Variants in COL6A5 observed in about 807,000 individuals in gnomAD.
COL6A5 encodes collagen alpha-5(VI) chain.
In COL6A5, 48 loss-of-function variants were observed where a neutral mutation model predicts 65.6. The observed-to-expected ratio is 0.73, with a 90% confidence interval of 0.58 to 0.93. The LOEUF (loss-of-function observed/expected upper bound fraction) is 0.93. Among genes scored for constraint, COL6A5 ranks in the 40% least tolerant of loss-of-function variants. The pLI, the probability that COL6A5 is intolerant of heterozygous loss-of-function variation, is 0.00. For synonymous variants in COL6A5, 291 were observed against 322.8 expected (o/e 0.90, Z 1.05); for missense variants, 914 against 928.3 (o/e 0.98, Z 0.20).
rs73196005 is a variant in COL6A5 at position 130,458,814 on chromosome 3, C to G, written c.1544+3148C>G. Among the ~76,000 whole-genome samples, 386 of 152,246 alleles carry G rather than the reference C, an allele frequency of 2.5e-3. 2 individuals are homozygous for G. The highest frequency in any genetic ancestry group is 4.8e-3 in the Non-Finnish European group (326 of 68,002). On this transcript the variant is annotated intron_variant, in intron 5 of 7. Transcript: ENST00000512836. ...GAGATTATCGAGAGATACTAACAGG[C>G]TTTTTGAACATAACATCTGCAATAT...
In COL6A5 at chr3:130,476,862, CTT is replaced by C. The variant is rs1710112887; in HGVS notation, c.2328+5897_2328+5898del. On this transcript the variant is annotated intron_variant, in intron 7 of 7. Coordinates refer to ENST00000512836, the Ensembl canonical transcript of COL6A5. ...ATATACATCTAGAAATAAATGATGT[CTT>C]TAATTCTTTTTCTCACAGATCTCTA... The C allele has an allele frequency of 5.9e-6, 4 of 679,852 alleles. No homozygotes were observed. In the South Asian group the frequency reaches 6.0e-5, roughly 10 times the overall value. 42.1% of individuals were successfully genotyped at this position (679,852 alleles called of 1,614,324 possible).
At chr3:130,399,733 C>T (rs1936750157) in intron 10 of COL6A5, among the ~76,000 whole-genome samples, 1 of 102,484 alleles carries the variant, frequency 9.8e-6, no homozygotes. Flanking sequence ...TCTTCCCATT[C>T]TTCCTGTAAT....
intron 4 of COL6A5, among the ~76,000 whole-genome samples, chr3:130,454,368 C>T (rs1210917824): frequency 6.6e-6 from 1 of 152,196 alleles, no homozygotes; most frequent in Non-Finnish European, 1.5e-5. Flanking sequence ...ACCTGCACTA[C>T]TGCAAAATTA....
intron 2 of COL6A5, among the ~76,000 whole-genome samples, 157 bp downstream of exon 34, chr3:130,439,772 T>C (rs1472008966): frequency 2.0e-5 from 3 of 152,194 alleles, no homozygotes; most frequent in African/African-American, 7.2e-5. Flanking sequence ...TTTCAATCTC[T>C]GGAATGTTTG....
At chr3:130,459,268 A>G (rs1226146672) in intron 5 of COL6A5, among the ~76,000 whole-genome samples, 1 of 152,078 alleles carries the variant, frequency 6.6e-6, no homozygotes, top group Non-Finnish European at 1.5e-5. Flanking sequence ...GCTTTAGGGA[A>G]TTTACACAGG....
intron 20 of COL6A5, among the ~76,000 whole-genome samples, chr3:130,411,543 T>C (rs6439230): frequency 0.71 from 107,327 of 152,090 alleles, 40,533 homozygotes; most frequent in Non-Finnish European, 0.86. Flanking sequence ...GGTTAGGCTT[T>C]CCAGTGCTTC....
chr3:130,451,992 A>G (rs1301533123), intron 4 of COL6A5, among the ~76,000 whole-genome samples: 1 of 152,168 alleles, frequency 6.6e-6, no homozygotes, highest in Admixed American at 6.5e-5. Context: ...CCATAGTTCT[A>G]CATCTAAGGT....
intron 4 of COL6A5, among the ~76,000 whole-genome samples, chr3:130,447,025 TC>T (rs1709322751): frequency 6.6e-6 from 1 of 152,172 alleles, no homozygotes; most frequent in Non-Finnish European, 1.5e-5. Context: ...ATTGGCCCGT[TC>T]CACCACAGCC....
chr3:130,429,210 C>T (rs768547163), upstream of COL6A5, among the ~76,000 whole-genome samples: 1 of 152,170 alleles, frequency 6.6e-6, no homozygotes, highest in Non-Finnish European at 1.5e-5. Context: ...TGCTGAATGA[C>T]TCTCAGAAGG....
At chr3:130,452,691 A>G (rs1430350078) in intron 4 of COL6A5, among the ~76,000 whole-genome samples, 4 of 152,176 alleles carry the variant, frequency 2.6e-5, no homozygotes, top group Admixed American at 6.5e-5. Context: ...CGTCATTGAT[A>G]ACATCTTATC....
chr3:130,454,450 C>T (rs114274914), intron 4 of COL6A5, among the ~76,000 whole-genome samples: 209 of 152,278 alleles, frequency 1.4e-3, no homozygotes, highest in African/African-American at 3.7e-3. Context: ...TTATGTATTA[C>T]ATCTGACTTT....
intron 7 of COL6A5, among the ~76,000 whole-genome samples, chr3:130,392,279 T>C (rs1040311855): frequency 1.3e-5 from 2 of 152,150 alleles, no homozygotes; most frequent in African/African-American, 2.4e-5. Flanking sequence ...GCGCCACCTG[T>C]GCAGAGGGCA....
At chr3:130,443,483 C>T (rs768738382) in exon 4 of COL6A5, 4 of 1,607,140 alleles carry the variant, frequency 2.5e-6, no homozygotes, top group Non-Finnish European at 3.4e-6. Context: ...TAGGGGGATT[C>T]AATCAGTACC....
At chr3:130,358,200 T>A (rs1039484708) in intron 1 of COL6A5, among the ~76,000 whole-genome samples, 16 of 151,482 alleles carry the variant, frequency 1.1e-4, no homozygotes, top group Admixed American at 2.6e-4. Flanking sequence ...AAAAAAAAAA[T>A]AAATAAATAA....
At chr3:130,413,838 T>C (rs1393421932) in intron 21 of COL6A5, among the ~76,000 whole-genome samples, 1 of 151,814 alleles carries the variant, frequency 6.6e-6, no homozygotes, top group Non-Finnish European at 1.5e-5. Context: ...TTGACTGCTC[T>C]TCATGTGCTT....
At position 130,479,289 on chromosome 3, in the gene COL6A5, G is replaced by C. The variant is rs904345265; in HGVS notation, c.2329-4746G>C. ...TAGATGCCGAATGGGCCAGTGCATT[G>C]ATCATAAGCTTCCCAGCCTCCAGAA... On this transcript the variant is annotated intron_variant, in intron 7 of 7. Transcript: ENST00000512836. Among the ~76,000 whole-genome samples the C allele has an allele frequency of 2.0e-5, 3 of 149,988 alleles. No individual in the cohort carries two copies. The South Asian group carries it at 6.4e-4, about 32-fold the overall frequency.
chr3:130,408,153 G>A (rs548658948), intron 17 of COL6A5, among the ~76,000 whole-genome samples: 5 of 152,216 alleles, frequency 3.3e-5, no homozygotes, highest in South Asian at 4.2e-4. Flanking sequence ...GACTGCCTGC[G>A]GGGCCGGACA....
At chr3:130,458,798 G>A (rs768381856) in intron 5 of COL6A5, among the ~76,000 whole-genome samples, 2 of 152,060 alleles carry the variant, frequency 1.3e-5, no homozygotes, top group Non-Finnish European at 1.5e-5. Flanking sequence ...AGAGATTATC[G>A]AGAGATACTA....
At chr3:130,409,326 G>A (rs1937100536) in exon 18 of COL6A5, 1 of 1,537,662 alleles carries the variant, frequency 6.5e-7, no homozygotes, top group Admixed American at 2.1e-5. Context: ...TTTTTTTCAG[G>A]GCAGCCCAGG....
Sources: allele counts gnomAD v4.1 joint callset (sites outside exome capture counted in the v4.1 genomes callset), GRCh38; gene constraint gnomAD v4.1.1; transcripts MANE v1.5; gene names NCBI Gene and HGNC (gene_info 2026-07-23, HGNC 2026-07-21).